The following AUTS2 variants were observed in gnomAD, a reference collection of about 807,000 sequenced individuals.
AUTS2 encodes activator of transcription and developmental regulator AUTS2.
AUTS2 carries 17 observed loss-of-function variants against 112.4 expected under a neutral mutation model. That is an observed-to-expected ratio of 0.15 (90% CI 0.10 to 0.23). AUTS2 has a LOEUF of 0.23. AUTS2 is among the 10% of genes least tolerant of loss of function. AUTS2 has a pLI of 1.00. For synonymous variants in AUTS2, 751 were observed against 702.7 expected, an observed-to-expected ratio of 1.07 and a Z score of -1.09; for missense variants, 1,510 against 1,701.6, an observed-to-expected ratio of 0.89 and a Z score of 1.98.
intron 2 of AUTS2, among the ~76,000 whole-genome samples, chr7:69,916,959 T>A (rs1017603862): frequency 1.3e-5 from 2 of 152,228 alleles, no homozygotes. Flanking sequence ...TTTCATTGAC[T>A]TTACTTATAG....
chr7:70,397,605 A>C (rs1349096190), intron 4 of AUTS2, among the ~76,000 whole-genome samples: 1 of 151,972 alleles, frequency 6.6e-6, no homozygotes, highest in Non-Finnish European at 1.5e-5. Context: ...TAAAATAAAA[A>C]TAAATATATT....
chr7:70,577,932 G>A (rs1272772843), intron 5 of AUTS2, among the ~76,000 whole-genome samples: 2 of 151,826 alleles, frequency 1.3e-5, no homozygotes, highest in South Asian at 2.1e-4. Context: ...CCAGGTTCAC[G>A]CCATTCTCCT....
chr7:70,144,675 C>A (rs1056274576), intron 4 of AUTS2, among the ~76,000 whole-genome samples: 3 of 152,048 alleles, frequency 2.0e-5, no homozygotes, highest in African/African-American at 4.8e-5. Flanking sequence ...AATCACCTTA[C>A]CCAATCACCA....
At chr7:69,729,642 T>G (rs1013262584) in intron 1 of AUTS2, among the ~76,000 whole-genome samples, 9 of 152,286 alleles carry the variant, frequency 5.9e-5, no homozygotes, top group African/African-American at 2.2e-4. Flanking sequence ...TATTTTGTGC[T>G]GTTAAACCTC....
chr7:70,566,650 A>G (rs1801720494), intron 5 of AUTS2, among the ~76,000 whole-genome samples: 1 of 152,196 alleles, frequency 6.6e-6, no homozygotes, highest in African/African-American at 2.4e-5. Flanking sequence ...CTTTCATGCT[A>G]AGTTAGCATG....
intron 2 of AUTS2, among the ~76,000 whole-genome samples, chr7:70,060,866 G>C (rs1163310989): frequency 3.3e-5 from 5 of 152,180 alleles, no homozygotes; most frequent in Non-Finnish European, 1.5e-5. Flanking sequence ...CCTGACTGAG[G>C]TAGGTATTTC....
chr7:69,682,973 T>TA, intron 1 of AUTS2, among the ~76,000 whole-genome samples: 1 of 152,248 alleles, frequency 6.6e-6, no homozygotes, highest in South Asian at 2.1e-4. Context: ...GCAACATAGA[T>TA]ACACATGGAG....
chr7:70,005,202 A>T (rs948161197), intron 2 of AUTS2, among the ~76,000 whole-genome samples: 1 of 151,664 alleles, frequency 6.6e-6, no homozygotes, highest in Admixed American at 6.6e-5. Flanking sequence ...AACCTGTGAT[A>T]TTTTTTTCTT....
intron 5 of AUTS2, among the ~76,000 whole-genome samples, chr7:70,475,048 A>C (rs968415205): frequency 1.3e-5 from 2 of 152,160 alleles, no homozygotes; most frequent in African/African-American, 4.8e-5. Flanking sequence ...TAAGACATGT[A>C]AGTGGCAGGT....
intron 1 of AUTS2, among the ~76,000 whole-genome samples, chr7:69,783,058 C>G (rs1274930452): frequency 1.3e-5 from 2 of 150,540 alleles, no homozygotes; most frequent in East Asian, 3.9e-4. Flanking sequence ...AAGGTAATCC[C>G]TTTGACCCTC....
At chr7:70,746,299 C>T (rs927121596) in intron 6 of AUTS2, among the ~76,000 whole-genome samples, 1 of 152,112 alleles carries the variant, frequency 6.6e-6, no homozygotes, top group Non-Finnish European at 1.5e-5. Context: ...GTGGCTGCCA[C>T]CAGGCTGGGC....
intron 2 of AUTS2, among the ~76,000 whole-genome samples, chr7:70,083,361 C>T (rs1392423682): frequency 5.3e-5 from 8 of 152,160 alleles, no homozygotes; most frequent in Non-Finnish European, 8.8e-5. Flanking sequence ...GCAGCGAGGA[C>T]AAGTTGCCTC....
intron 1 of AUTS2, among the ~76,000 whole-genome samples, chr7:69,614,600 T>C (rs1388394219): frequency 1.3e-5 from 2 of 151,978 alleles, no homozygotes; most frequent in Admixed American, 1.3e-4. Context: ...TCCTCCTGCC[T>C]CAGCCTCCCA....
In AUTS2 at chr7:70,789,945, A is replaced by C; in HGVS notation, c.2729A>C (p.Lys910Thr). ...SRKDLAADEHKAKEGHLPEKD... is the reference protein window; with the variant it reads ...SRKDLAADEHTAKEGHLPEKD... ...AAGGACCTGGCCGCCGACGAGCACA[A>C]GGCGAAAGAGGGCCACCTGCCCGAG... Residue 910 changes from lysine (K) to threonine (T), a missense_variant, in exon 19 of 19, where the codon AAG (lysine) becomes ACG (threonine). Transcript: ENST00000342771. The C allele has an allele frequency of 6.2e-7, 1 of 1,613,838 alleles. No homozygotes were observed. The highest frequency in any genetic ancestry group is 8.5e-7 in the Non-Finnish European group (1 of 1,179,946).
chr7:70,382,389 A>G (rs1793408175), intron 4 of AUTS2, among the ~76,000 whole-genome samples: 1 of 151,870 alleles, frequency 6.6e-6, no homozygotes, highest in Admixed American at 6.6e-5. Flanking sequence ...AATTTTCCTA[A>G]AGCACACCTC....
At chr7:70,476,373 C>A (rs751576042) in intron 5 of AUTS2, among the ~76,000 whole-genome samples, 1 of 152,074 alleles carries the variant, frequency 6.6e-6, no homozygotes, top group African/African-American at 2.4e-5. Context: ...TGTGCCCTGC[C>A]CACTCCCAAC....
At chr7:70,020,124 G>A (rs940049586) in intron 2 of AUTS2, among the ~76,000 whole-genome samples, 4 of 152,156 alleles carry the variant, frequency 2.6e-5, no homozygotes, top group East Asian at 1.9e-4. Flanking sequence ...ATAGGGACAC[G>A]GTGCACACCT....
chr7:69,792,472 C>T lies in AUTS2; in HGVS notation c.310-106814C>T, dbSNP rs184509826. On this transcript the variant is annotated intron_variant, in intron 1 of 18. Transcript: ENST00000342771. ...GCCAGGATGGTCTCGATCTCCTGACCTCGTGATCCACCCGCCTCAGCTTCC... is the reference window on the plus strand; with the variant it reads ...GCCAGGATGGTCTCGATCTCCTGACTTCGTGATCCACCCGCCTCAGCTTCC... 3.8e-3 allele frequency among the ~76,000 whole-genome samples: 580 copies of T among 152,170 alleles called. 5 individuals are homozygous for T. The highest frequency in any genetic ancestry group is 0.01 in the African/African-American group (426 of 41,528).
intron 5 of AUTS2, among the ~76,000 whole-genome samples, chr7:70,480,112 G>A (rs563186814): frequency 1.1e-3 from 171 of 152,318 alleles, no homozygotes; most frequent in Non-Finnish European, 1.8e-3. Context: ...GGCAGATCTC[G>A]CTCTCACTGT....
Sources: allele counts gnomAD v4.1 joint callset (sites outside exome capture counted in the v4.1 genomes callset), GRCh38; gene constraint gnomAD v4.1.1; transcripts MANE v1.5; gene names NCBI Gene and HGNC (gene_info 2026-07-23, HGNC 2026-07-21).